Variants in SORCS3 observed in about 807,000 individuals in gnomAD.
SORCS3 encodes VPS10 domain-containing receptor SorCS3.
A neutral mutation model predicts 146.3 loss-of-function variants in SORCS3; 57 were observed. That is an observed-to-expected ratio of 0.39 (90% CI 0.31 to 0.49). SORCS3 has a LOEUF of 0.49. SORCS3 is among the 20% of genes least tolerant of loss of function. The pLI is 0.92. For missense variants in SORCS3, 1,341 were observed against 1,575.5 expected (o/e 0.85, Z 2.52); for synonymous variants, 653 against 618.5 (o/e 1.06, Z -0.83).
intron 4 of SORCS3, among the ~76,000 whole-genome samples, chr10:105,016,155 A>ATATATATATATAT (rs71482443): frequency 3.3e-4 from 33 of 101,322 alleles, no homozygotes; most frequent in African/African-American, 1.5e-3. Flanking sequence ...ATATATATAT[A>ATATATATATATAT]TTTTTTTTTT....
chr10:105,114,730 T>C (rs2055881965), intron 7 of SORCS3, among the ~76,000 whole-genome samples: 1 of 151,832 alleles, frequency 6.6e-6, no homozygotes, highest in Non-Finnish European at 1.5e-5. Context: ...CAGGTAACAC[T>C]GTGTAGATCC....
chr10:105,211,062 T>C, intron 16 of SORCS3, 75 bp from the exon 17 acceptor site: 1 of 950,976 alleles, frequency 1.1e-6, no homozygotes, highest in South Asian at 1.3e-5. Context: ...GGGACATGTA[T>C]ATGTTTGTGT....
intron 5 of SORCS3, among the ~76,000 whole-genome samples, chr10:105,055,291 G>T (rs995210978): frequency 6.6e-6 from 1 of 152,148 alleles, no homozygotes; most frequent in Admixed American, 6.6e-5. Flanking sequence ...ACATATAGTT[G>T]CTAGTCGATA....
chr10:105,162,535 C>G lies in SORCS3; in HGVS notation c.1733-1768C>G, dbSNP rs573369005. Among the ~76,000 whole-genome samples, 27 of 152,348 alleles carry G rather than the reference C, an allele frequency of 1.8e-4. No homozygotes were observed. The East Asian group carries it at 5.0e-3, about 28-fold the overall frequency. On this transcript the variant is annotated intron_variant, in intron 11 of 26. Coordinates refer to ENST00000369701, the MANE Select transcript of SORCS3 (RefSeq NM_014978.3). ...GACTGTACATGTTCAAAGATCAACT[C>G]CTCCTGGGTACATCTTTTCTGTCCC...
At chr10:104,665,459 A>G (rs2015762194) in intron 1 of SORCS3, 1 of 152,212 alleles carries the variant, frequency 6.6e-6, no homozygotes, top group Non-Finnish European at 1.5e-5. Context: ...AATTGTAGTA[A>G]TCACTTAGTC....
Position 105,105,475 on chromosome 10 carries a change from T to C in SORCS3, c.1172T>C (p.Ile391Thr). The change falls in exon 7 of 27, where the codon ATC becomes ACC. Residue 391 changes from isoleucine to threonine, a missense_variant. Coordinates refer to ENST00000369701, the MANE Select transcript of SORCS3 (RefSeq NM_014978.3). ...RSGPFARSID[I>T]SSLVVQDEYI... ...GGGCCTTTTGCCCGCTCCATTGACA[T>C]CAGTTCCCTGGTTGTCCAGGATGAA... 1.2e-6 allele frequency: 2 copies of C among 1,613,608 alleles called. No individual in the cohort carries two copies. Among genetic ancestry groups the C allele is most frequent in the South Asian group, 2.2e-5 (2 of 91,066 alleles).
chr10:104,901,543 A>G (rs1321754033), intron 2 of SORCS3, among the ~76,000 whole-genome samples: 1 of 152,184 alleles, frequency 6.6e-6, no homozygotes, highest in Admixed American at 6.5e-5. Context: ...AGTTTTATCT[A>G]ATAGCACTCT....
chr10:104,802,949 G>A (rs1292047238), intron 1 of SORCS3, among the ~76,000 whole-genome samples: 6 of 152,200 alleles, frequency 3.9e-5, no homozygotes, highest in African/African-American at 1.4e-4. Flanking sequence ...ATGTCCAGGT[G>A]TAGATGGGTG....
intron 2 of SORCS3, among the ~76,000 whole-genome samples, chr10:104,891,294 G>T (rs1295187060): frequency 6.6e-6 from 1 of 152,144 alleles, no homozygotes; most frequent in Non-Finnish European, 1.5e-5. Context: ...TTCTGATGTT[G>T]GGTATTTTTC....
At chr10:104,976,386 G>A (rs1181876693) in intron 3 of SORCS3, among the ~76,000 whole-genome samples, 1 of 152,132 alleles carries the variant, frequency 6.6e-6, no homozygotes. Context: ...AGTTAGAATG[G>A]CAATCATTAA....
chr10:104,662,134 G>T (rs1419721422), intron 1 of SORCS3, among the ~76,000 whole-genome samples: 8 of 152,198 alleles, frequency 5.3e-5, no homozygotes, highest in Non-Finnish European at 8.8e-5. Flanking sequence ...AAATACAGAT[G>T]TAAGGTAGTT....
chr10:104,879,577 G>T (rs933300620), intron 2 of SORCS3, among the ~76,000 whole-genome samples: 1 of 152,146 alleles, frequency 6.6e-6, no homozygotes, highest in Admixed American at 6.5e-5. Context: ...ATCTTCAGGG[G>T]CTATTATTTT....
At chr10:105,007,094 C>T (rs1393280268) in intron 4 of SORCS3, among the ~76,000 whole-genome samples, 1 of 152,132 alleles carries the variant, frequency 6.6e-6, no homozygotes, top group African/African-American at 2.4e-5. Flanking sequence ...CTAGTGAAAG[C>T]TCCTTCCCCA....
rs1488986506 is a variant in SORCS3, at chr10:104,842,783, C to T, written c.628-9C>T. On this transcript the variant is annotated splice_polypyrimidine_tract_variant and intron_variant, in intron 1 of 26. Coordinates refer to ENST00000369701, the MANE Select transcript of SORCS3 (RefSeq NM_014978.3). ...CCTCTCCTTTGCCCTTATCCCCAAC[C>T]CCTTGCAGGTCATACTTATCCTGAC... 1.2e-6 allele frequency: 2 copies of T among 1,612,938 alleles called. No homozygotes were observed. The highest frequency in any genetic ancestry group is 1.7e-6 in the Non-Finnish European group (2 of 1,178,982).
chr10:104,858,835 A>G (rs953018102), intron 2 of SORCS3, among the ~76,000 whole-genome samples: 1 of 150,500 alleles, frequency 6.6e-6, no homozygotes, highest in African/African-American at 2.4e-5. Flanking sequence ...GTTAGCCAGG[A>G]TGGTCTTGAT....
At chr10:104,908,629 A>G (rs2018933489) in intron 2 of SORCS3, among the ~76,000 whole-genome samples, 1 of 152,180 alleles carries the variant, frequency 6.6e-6, no homozygotes, top group African/African-American at 2.4e-5. Flanking sequence ...TGTGCTCTGC[A>G]CTTTCAGAAA....
intron 1 of SORCS3, among the ~76,000 whole-genome samples, chr10:104,768,377 T>G (rs1370968242): frequency 6.6e-6 from 1 of 152,252 alleles, no homozygotes; most frequent in East Asian, 1.9e-4. Context: ...AGATAGTTTT[T>G]GAGACATCTG....
chr10:104,995,684 G>T (rs559107661), intron 4 of SORCS3, among the ~76,000 whole-genome samples: 1 of 151,962 alleles, frequency 6.6e-6, no homozygotes, highest in Non-Finnish European at 1.5e-5. Context: ...CGTGATTTAC[G>T]GTGCTTTCTC....
intron 1 of SORCS3, among the ~76,000 whole-genome samples, chr10:104,681,962 TG>T: frequency 6.6e-6 from 1 of 152,366 alleles, no homozygotes; most frequent in East Asian, 1.9e-4. Context: ...TCCTGCATAT[TG>T]TATATTTTAA....
Sources: allele counts gnomAD v4.1 joint callset (sites outside exome capture counted in the v4.1 genomes callset), GRCh38; gene constraint gnomAD v4.1.1; transcripts MANE v1.5; gene names NCBI Gene and HGNC (gene_info 2026-07-23, HGNC 2026-07-21).